C12orf54: variants seen among roughly 807,000 people sequenced by gnomAD.
The protein encoded by C12orf54 is uncharacterized protein C12orf54.
A neutral mutation model predicts 26.4 loss-of-function variants in C12orf54; 24 were observed. That is an observed-to-expected ratio of 0.91 (90% CI 0.66 to 1.28). The LOEUF (loss-of-function observed/expected upper bound fraction) is 1.28. Ranked by LOEUF, C12orf54 falls within the 50% of genes most tolerant of loss-of-function variation. The probability of loss-of-function intolerance (pLI) is 0.00; values close to 1 mark genes in which losing one functional copy is unlikely to be tolerated. For synonymous variants in C12orf54, 54 were observed against 47.0 expected (o/e 1.15, Z -0.61); for missense variants, 154 against 150.9 (o/e 1.02, Z -0.11).
chr12:48,472,002 C>G, the C12orf54 span, among the ~76,000 whole-genome samples: 1 of 152,054 alleles, frequency 6.6e-6, no homozygotes, highest in Non-Finnish European at 1.5e-5. Context: ...CTTATTTGTG[C>G]CATCTCTGGT....
At chr12:48,446,954 C>T in the C12orf54 span, among the ~76,000 whole-genome samples, 2 of 152,094 alleles carry the variant, frequency 1.3e-5, no homozygotes, top group Admixed American at 6.5e-5. Context: ...ATAAGAACTT[C>T]CATCTATGAG....
chr12:48,435,116 A>G, the C12orf54 span, among the ~76,000 whole-genome samples: 1 of 152,238 alleles, frequency 6.6e-6, no homozygotes, highest in African/African-American at 2.4e-5. Context: ...TGACAAATGC[A>G]CAAGCCTCAG....
the C12orf54 span, among the ~76,000 whole-genome samples, chr12:48,436,631 T>C: frequency 1.8e-4 from 27 of 152,138 alleles, 1 homozygote; most frequent in Admixed American, 6.6e-5. Context: ...ACATGGAAAC[T>C]GAACAACCTG....
At chr12:48,433,424 A>G in the C12orf54 span, among the ~76,000 whole-genome samples, 1 of 145,556 alleles carries the variant, frequency 6.9e-6, no homozygotes, top group Non-Finnish European at 1.5e-5. Context: ...TACACATTCA[A>G]AGTACAGTTA....
At chr12:48,469,841 C>A in the C12orf54 span, among the ~76,000 whole-genome samples, 1 of 152,160 alleles carries the variant, frequency 6.6e-6, no homozygotes, top group Non-Finnish European at 1.5e-5. Context: ...TGACTTCCCA[C>A]AACACTGTCT....
the C12orf54 span, among the ~76,000 whole-genome samples, chr12:48,434,772 C>T: frequency 2.0e-5 from 3 of 152,136 alleles, no homozygotes; most frequent in Non-Finnish European, 4.4e-5. Context: ...TCGTCACCAT[C>T]ATCAAAGACC....
chr12:48,446,249 C>T, the C12orf54 span, among the ~76,000 whole-genome samples: 1 of 152,170 alleles, frequency 6.6e-6, no homozygotes, highest in African/African-American at 2.4e-5. Flanking sequence ...TACATAAGCT[C>T]ATTCCTCAAA....
At chr12:48,462,981 A>T in the C12orf54 span, among the ~76,000 whole-genome samples, 1 of 151,928 alleles carries the variant, frequency 6.6e-6, no homozygotes, top group African/African-American at 2.4e-5. Context: ...CAACATGATC[A>T]TCTATGTAGA....
the C12orf54 span, among the ~76,000 whole-genome samples, chr12:48,443,404 T>C: frequency 6.6e-6 from 1 of 152,276 alleles, no homozygotes; most frequent in East Asian, 1.9e-4. Context: ...CGAGCAGATT[T>C]GGTGTTGGGG....
intron 2 of C12orf54, among the ~76,000 whole-genome samples, chr12:48,483,963 G>A (rs1237407384): frequency 6.6e-6 from 1 of 152,232 alleles, no homozygotes; most frequent in Non-Finnish European, 1.5e-5. Context: ...GGAGGCCAAG[G>A]CGGGCGGATC....
chr12:48,421,992 A>T, the C12orf54 span, among the ~76,000 whole-genome samples: 1 of 152,242 alleles, frequency 6.6e-6, no homozygotes, highest in Non-Finnish European at 1.5e-5. Flanking sequence ...AAGAGAACTA[A>T]TAAGAATTAA....
the C12orf54 span, among the ~76,000 whole-genome samples, chr12:48,470,917 T>C: frequency 6.6e-6 from 1 of 152,200 alleles, no homozygotes. Flanking sequence ...AAGCACATCA[T>C]GGATAATGGA....
the C12orf54 span, among the ~76,000 whole-genome samples, chr12:48,477,253 A>AG: frequency 6.6e-6 from 1 of 152,244 alleles, no homozygotes; most frequent in Non-Finnish European, 1.5e-5. Flanking sequence ...AGCAGTGTGT[A>AG]GAGGGAAATT....
chr12:48,494,087 C>A lies in C12orf54; in HGVS notation c.243-711C>A, dbSNP rs74493979. Among the ~76,000 whole-genome samples, 3 of 48,640 alleles carry A rather than the reference C, an allele frequency of 6.2e-5. 1 individual carries two copies. The highest frequency in any genetic ancestry group is 1.1e-4 in the Non-Finnish European group (3 of 26,274). 31.9% of individuals were successfully genotyped at this position (48,640 alleles called of 152,430 possible). A position where few individuals can be genotyped will look rare whatever the true frequency, so the allele number is the denominator to read the frequency against. Reference sequence around the variant, plus strand: ...TACAAAAATTAGCTGGGCGTGGTGGCAGGTGCCTGTAACCCCAGCTACTCG... The same window carrying A: ...TACAAAAATTAGCTGGGCGTGGTGGAAGGTGCCTGTAACCCCAGCTACTCG... On this transcript the variant is annotated intron_variant, in intron 7 of 8. Transcript: ENST00000548364.
At position 48,490,944 on chromosome 12, in the gene C12orf54, T is replaced by G. The variant is rs960363501; in HGVS notation, c.193+108T>G. On this transcript the variant is annotated intron_variant, in intron 6 of 8. Transcript: ENST00000548364. ...TACAAAAGAAAATGGAGATAAGAAG[T>G]GAGATATGGAGTTCATCCCAAAGTC... 7 of 1,354,592 alleles carry G rather than the reference T, an allele frequency of 5.2e-6. No individual in the cohort carries two copies. The African/African-American group carries it at 1.0e-4, about 19-fold the overall frequency. The allele number at this position is 1,354,592 out of a possible 1,614,324, so 83.9% of individuals were successfully genotyped here. A position where few individuals can be genotyped will look rare whatever the true frequency, so the allele number is the denominator to read the frequency against.
chr12:48,450,973 T>C, the C12orf54 span, among the ~76,000 whole-genome samples: 1 of 152,046 alleles, frequency 6.6e-6, no homozygotes, highest in South Asian at 2.1e-4. Context: ...CCTAGCTCAT[T>C]CTATGAGGCC....
chr12:48,491,252 C>G (rs937040364), intron 6 of C12orf54, among the ~76,000 whole-genome samples: 26 of 152,204 alleles, frequency 1.7e-4, no homozygotes, highest in African/African-American at 6.3e-4. Context: ...TGAGGCCCTG[C>G]TTCCCAGTTC....
the C12orf54 span, among the ~76,000 whole-genome samples, chr12:48,459,308 T>G: frequency 1.3e-5 from 2 of 152,190 alleles, no homozygotes; most frequent in African/African-American, 4.8e-5. Flanking sequence ...GAGACGGAAC[T>G]TCTCAGCTGC....
the C12orf54 span, among the ~76,000 whole-genome samples, chr12:48,461,982 A>C: frequency 2.6e-5 from 4 of 151,676 alleles, no homozygotes; most frequent in Admixed American, 2.0e-4. Context: ...AATTAGACTG[A>C]TCAGAAAAAA....
Sources: allele counts gnomAD v4.1 joint callset (sites outside exome capture counted in the v4.1 genomes callset), GRCh38; gene constraint gnomAD v4.1.1; transcripts MANE v1.5; gene names NCBI Gene and HGNC (gene_info 2026-07-23, HGNC 2026-07-21).